Variants in RRM2 observed in about 807,000 individuals in gnomAD.
RRM2 encodes the protein ribonucleotide reductase regulatory subunit M2.
In RRM2, 6 loss-of-function variants were observed where a neutral mutation model predicts 45.9. The ratio of observed to expected loss-of-function variants is 0.13; its 90% CI spans 0.07 to 0.26. The LOEUF is 0.26. RRM2 is among the 10% of genes least tolerant of loss of function. The pLI is 1.00. For missense variants in RRM2, 343 were observed against 489.5 expected (o/e 0.70, Z 2.82); for synonymous variants, 177 against 173.0 (o/e 1.02, Z -0.18).
chr2:10,150,635 A>C (rs1663289160), intron 3 of RRM2, among the ~76,000 whole-genome samples: 1 of 151,962 alleles, frequency 6.6e-6, no homozygotes, highest in South Asian at 2.1e-4. Flanking sequence ...CAGCCACTAG[A>C]CATCCTGTCA....
At chr2:10,173,197 G>C (rs1421201816) in intron 3 of RRM2, among the ~76,000 whole-genome samples, 2 of 152,176 alleles carry the variant, frequency 1.3e-5, no homozygotes, top group Non-Finnish European at 2.9e-5. Context: ...AATGAGGTGT[G>C]CGAAGCTTGG....
intron 3 of RRM2, among the ~76,000 whole-genome samples, chr2:10,161,313 C>T (rs1012568503): frequency 2.6e-5 from 4 of 152,196 alleles, no homozygotes; most frequent in Admixed American, 2.6e-4. Context: ...CTTGTCTCGA[C>T]CTCTCAAAGT....
intron 3 of RRM2, among the ~76,000 whole-genome samples, chr2:10,179,876 TTTA>T (rs1664008322): frequency 6.6e-6 from 1 of 152,232 alleles, no homozygotes. Flanking sequence ...TTCTGAAGCC[TTTA>T]TTATTATGAC....
In RRM2 at chr2:10,127,066, T is replaced by A. The variant is rs1662795014; in HGVS notation, c.665-21T>A. Reference sequence around the variant, plus strand: ...TGAATACCAACTCACTAGAATCATGTTGGTGTTAACTCCTAAATAGGTGAA... The same window carrying A: ...TGAATACCAACTCACTAGAATCATGATGGTGTTAACTCCTAAATAGGTGAA... On this transcript the variant is annotated intron_variant, in intron 6 of 9. Coordinates refer to ENST00000304567, the MANE Select transcript of RRM2 (RefSeq NM_001034.4). This position sits in a 1 kb window ranked among gnomAD's most constrained non-coding sequence, Gnocchi z 4.1. 4 of 1,613,130 alleles carry A rather than the reference T, an allele frequency of 2.5e-6. No individual in the cohort carries two copies. The South Asian group carries it at 3.3e-5, about 13-fold the overall frequency.
At position 10,127,637 on chromosome 2, in the gene RRM2, G is replaced by A. The variant is rs750171579; in HGVS notation, c.798+417G>A. ...TTGTAGGTGCCTGCCACCATGCCCA[G>A]CTAATTTTCGTCTTTTTATACAGAC... is the stretch of plus-strand genomic sequence containing the variant. On this transcript the variant is annotated intron_variant, in intron 7 of 9. Transcript: ENST00000304567. The surrounding 1 kb of genome is among the most constrained non-coding windows in gnomAD (Gnocchi z 4.1). 6.6e-6 allele frequency among the ~76,000 whole-genome samples: 1 copy of A among 151,946 alleles called. No homozygotes were observed. Among genetic ancestry groups the A allele is most frequent in the Admixed American group, 6.5e-5 (1 of 15,270 alleles).
Position 10,127,333 on chromosome 2 carries a change from G to A in RRM2, c.798+113G>A, listed in dbSNP as rs1242580875. 1.5e-5 allele frequency: 16 copies of A among 1,064,936 alleles called. No individual in the cohort carries two copies. The highest frequency in any genetic ancestry group is 1.3e-4 in the African/African-American group (8 of 63,180). The allele number at this position is 1,064,936 out of a possible 1,614,324, so 66.0% of individuals were successfully genotyped here. A position where few individuals can be genotyped will look rare whatever the true frequency, so the allele number is the denominator to read the frequency against. ...TAGATGGCATATATCCACATTTAAT[G>A]TGTGAGTTCAACCATACACATACTT... On this transcript the variant is annotated intron_variant, in intron 7 of 9. Coordinates refer to ENST00000304567, the MANE Select transcript of RRM2 (RefSeq NM_001034.4). The surrounding 1 kb of genome is among the most constrained non-coding windows in gnomAD (Gnocchi z 4.1).
chr2:10,200,716 A>AAATTATGAGTCCCACGGGGACCGCGCGCG (rs1664551083), intron 3 of RRM2, among the ~76,000 whole-genome samples: 3 of 71,938 alleles, frequency 4.2e-5, no homozygotes, highest in Non-Finnish European at 7.3e-5. Context: ...GACCGCGCAC[A>AAATTATGAGTCCCACGGGGACCGCGCGCG]CAAAATATGA....
intron 4 of RRM2, 44 bp downstream of exon 4, chr2:10,123,896 T>C: frequency 8.9e-7 from 1 of 1,122,772 alleles, no homozygotes. Flanking sequence ...GTTGACGATC[T>C]GAGGTCGAAC....
upstream of RRM2, among the ~76,000 whole-genome samples, chr2:10,139,974 C>T (rs926053688): frequency 3.3e-5 from 5 of 152,276 alleles, no homozygotes; most frequent in South Asian, 2.1e-4. Flanking sequence ...AATGGCTGGG[C>T]GTGGTGTCTC....
chr2:10,199,375 T>C (rs1664489720), intron 3 of RRM2: 1 of 151,742 alleles, frequency 6.6e-6, no homozygotes, highest in Non-Finnish European at 1.5e-5. Flanking sequence ...TAATCCAAAC[T>C]GTAGAAAACA....
chr2:10,134,468 G>T (rs977145777), downstream of RRM2, among the ~76,000 whole-genome samples: 1 of 152,094 alleles, frequency 6.6e-6, no homozygotes, highest in South Asian at 2.1e-4. Flanking sequence ...GGAAGATAAG[G>T]GTTTTAATCC....
chr2:10,162,093 C>T (rs1017167791), intron 3 of RRM2, among the ~76,000 whole-genome samples: 2 of 152,218 alleles, frequency 1.3e-5, no homozygotes, highest in Non-Finnish European at 1.5e-5. Context: ...AGCTCCCATC[C>T]GCCGCTGCCT....
chr2:10,194,518 C>T (rs1664373574), intron 3 of RRM2, among the ~76,000 whole-genome samples: 1 of 152,194 alleles, frequency 6.6e-6, no homozygotes, highest in South Asian at 2.1e-4. Flanking sequence ...CTAACGTCCC[C>T]CCGTGGCTCC....
intron 3 of RRM2, among the ~76,000 whole-genome samples, chr2:10,148,868 A>G (rs1294690862): frequency 1.3e-5 from 2 of 151,764 alleles, no homozygotes; most frequent in Non-Finnish European, 2.9e-5. Context: ...AGATCTTCCA[A>G]ATCTGTAATT....
At chr2:10,189,377 C>T (rs1664237244) in intron 3 of RRM2, among the ~76,000 whole-genome samples, 1 of 152,238 alleles carries the variant, frequency 6.6e-6, no homozygotes. Flanking sequence ...CAGCCACGAG[C>T]CAGTGCCATT....
chr2:10,174,481 T>A (rs1270627189), intron 3 of RRM2, among the ~76,000 whole-genome samples: 1 of 151,122 alleles, frequency 6.6e-6, no homozygotes, highest in East Asian at 1.9e-4. Context: ...AGCGAGCGCC[T>A]ATGGGGTGGA....
At chr2:10,162,390 C>T (rs1663580896) in intron 3 of RRM2, among the ~76,000 whole-genome samples, 1 of 152,002 alleles carries the variant, frequency 6.6e-6, no homozygotes, top group South Asian at 2.1e-4. Context: ...GAGCGCTGGC[C>T]CAGGAATCAG....
exon 4 of RRM2, chr2:10,210,563 G>A: frequency 7.3e-7 from 1 of 1,366,414 alleles, no homozygotes; most frequent in African/African-American, 1.5e-5. Context: ...GGAGCAGGTG[G>A]ACCCACCATT....
intron 3 of RRM2, among the ~76,000 whole-genome samples, chr2:10,153,107 G>GGGC: frequency 6.6e-6 from 1 of 152,070 alleles, no homozygotes; most frequent in Non-Finnish European, 1.5e-5. Context: ...CAAAGTAGGT[G>GGGC]AATCACTTGA....
Sources: allele counts gnomAD v4.1 joint callset (sites outside exome capture counted in the v4.1 genomes callset), GRCh38; gene constraint gnomAD v4.1.1; non-coding constraint Gnocchi (gnomAD v3.1); transcripts MANE v1.5; gene names NCBI Gene and HGNC (gene_info 2026-07-23, HGNC 2026-07-21).